Variants in RIMS2 observed in about 807,000 individuals in gnomAD.
RIMS2 encodes the protein regulating synaptic membrane exocytosis 2.
RIMS2 carries 59 observed loss-of-function variants against 174.4 expected under a neutral mutation model. The observed-to-expected ratio is 0.34, with a 90% confidence interval of 0.27 to 0.42. The LOEUF is 0.42. Among genes scored for constraint, RIMS2 ranks in the 10% least tolerant of loss-of-function variants. RIMS2 has a pLI of 1.00. For synonymous variants in RIMS2, 606 were observed against 572.5 expected (o/e 1.06, Z -0.84); for missense variants, 1,620 against 1,666.3 (o/e 0.97, Z 0.48).
chr8:103,942,992 T>C (rs763722967), intron 14 of RIMS2, 66 bp downstream of exon 16: 25 of 1,196,992 alleles, frequency 2.1e-5, no homozygotes, highest in Non-Finnish European at 3.0e-5. Flanking sequence ...ATGTATGTGA[T>C]AAAGAACTTG....
chr8:103,520,389 T>G (rs7844104), intron 1 of RIMS2, among the ~76,000 whole-genome samples: 100,303 of 151,928 alleles, frequency 0.66, 33,971 homozygotes, highest in African/African-American at 0.75. Context: ...GAACACAGGT[T>G]AAATTCATCT....
intron 19 of RIMS2, among the ~76,000 whole-genome samples, chr8:104,190,161 A>G (rs1378268103): frequency 6.6e-6 from 1 of 151,968 alleles, no homozygotes; most frequent in Non-Finnish European, 1.5e-5. Flanking sequence ...CATTAGCTGG[A>G]TGTGGTGGTA....
At position 104,232,338 on chromosome 8, in the gene RIMS2, G is replaced by A. The variant is rs189523710; in HGVS notation, c.3335-12578G>A. Reference sequence around the variant, plus strand: ...TGCATTCTTTGTGCTACACATAGAAGTTGTGTATACTTAGCTTAATATAAA... The same window carrying A: ...TGCATTCTTTGTGCTACACATAGAAATTGTGTATACTTAGCTTAATATAAA... On this transcript the variant is annotated intron_variant, in intron 19 of 23. Coordinates refer to ENST00000504942, the Ensembl canonical transcript of RIMS2. Among the ~76,000 whole-genome samples the A allele has an allele frequency of 6.2e-4, 95 of 152,326 alleles. 1 individual carries two copies. The highest frequency in any genetic ancestry group is 2.2e-3 in the African/African-American group (91 of 41,572).
chr8:104,009,925 A>T (rs1464204352), intron 17 of RIMS2, among the ~76,000 whole-genome samples: 1 of 152,094 alleles, frequency 6.6e-6, no homozygotes, highest in Non-Finnish European at 1.5e-5. Context: ...ATACCTGTAG[A>T]GATACTCTAC....
intron 19 of RIMS2, among the ~76,000 whole-genome samples, chr8:104,124,969 A>T (rs1162402931): frequency 6.6e-6 from 1 of 152,198 alleles, no homozygotes; most frequent in Non-Finnish European, 1.5e-5. Context: ...CAAAGCAGAA[A>T]AAAATAGATC....
chr8:103,990,263 T>G (rs1329256525), intron 17 of RIMS2, among the ~76,000 whole-genome samples: 5 of 152,086 alleles, frequency 3.3e-5, no homozygotes, highest in Non-Finnish European at 7.4e-5. Context: ...ATTTAAACAC[T>G]TAATTTTTTT....
intron 19 of RIMS2, among the ~76,000 whole-genome samples, chr8:104,143,317 G>A (rs2098601324): frequency 6.6e-6 from 1 of 152,162 alleles, no homozygotes; most frequent in Admixed American, 6.5e-5. Flanking sequence ...CACATTTTAG[G>A]AAAGGAATGG....
At chr8:103,540,174 G>A (rs1267375248) in intron 1 of RIMS2, among the ~76,000 whole-genome samples, 2 of 152,182 alleles carry the variant, frequency 1.3e-5, no homozygotes, top group African/African-American at 2.4e-5. Context: ...CAGCTCCATG[G>A]GTACTTTACA....
intron 2 of RIMS2, among the ~76,000 whole-genome samples, chr8:103,754,943 T>A (rs887969969): frequency 2.6e-5 from 4 of 152,322 alleles, no homozygotes; most frequent in South Asian, 4.1e-4. Context: ...AGGTTAATAT[T>A]GTTATGTGTG....
At chr8:104,116,240 T>A (rs1010506666) in intron 19 of RIMS2, among the ~76,000 whole-genome samples, 1 of 152,188 alleles carries the variant, frequency 6.6e-6, no homozygotes, top group Non-Finnish European at 1.5e-5. Flanking sequence ...TGACTCTGCC[T>A]CATTTTTCTC....
At chr8:103,682,975 GCTACTAATTTAACTGGCCTA>G in intron 1 of RIMS2, among the ~76,000 whole-genome samples, 1 of 152,208 alleles carries the variant, frequency 6.6e-6, no homozygotes, top group East Asian at 1.9e-4. Context: ...TACTAGCTCT[GCTACTAATTTAACTGGCCTA>G]CTCTTGTGTG....
At chr8:104,193,982 T>C (rs1322194307) in intron 19 of RIMS2, among the ~76,000 whole-genome samples, 1 of 152,170 alleles carries the variant, frequency 6.6e-6, no homozygotes, top group African/African-American at 2.4e-5. Context: ...TCTGGAAGAA[T>C]CTAGAATACC....
At chr8:103,665,205 A>G (rs1184326263) in intron 1 of RIMS2, among the ~76,000 whole-genome samples, 4 of 152,236 alleles carry the variant, frequency 2.6e-5, no homozygotes, top group Non-Finnish European at 5.9e-5. Context: ...CAGCAAACCA[A>G]CATGGCACAT....
At position 103,825,446 on chromosome 8, in the gene RIMS2, AT is replaced by A. The variant is rs35460743; in HGVS notation, c.698+58927del. Among the ~76,000 whole-genome samples, 46 of 131,812 alleles carry A rather than the reference AT, an allele frequency of 3.5e-4. No homozygotes were observed. The South Asian group carries it at 3.5e-3, about 10-fold the overall frequency. 86.5% of individuals were successfully genotyped at this position (131,812 alleles called of 152,430 possible). On this transcript the variant is annotated intron_variant, in intron 3 of 23. Transcript: ENST00000504942. ...AGGCATGTGCCACAATGGCTAGCTA[AT>A]TTTTTTTTTTTTTTTTTGTTAGAGA...
chr8:103,500,791 C>A, exon 1 of RIMS2: 2 of 679,644 alleles, frequency 2.9e-6, no homozygotes, highest in Non-Finnish European at 4.9e-6. Context: ...ATGTATTTGT[C>A]CCAGCGCTGG....
chr8:103,935,022 G>T (rs2080930771), intron 12 of RIMS2, among the ~76,000 whole-genome samples: 2 of 152,130 alleles, frequency 1.3e-5, no homozygotes, highest in African/African-American at 4.8e-5. Context: ...GAATTAAATA[G>T]CAAGGCTCTG....
At chr8:103,532,944 C>A (rs1023222199) in intron 1 of RIMS2, among the ~76,000 whole-genome samples, 28 of 152,064 alleles carry the variant, frequency 1.8e-4, no homozygotes, top group Non-Finnish European at 3.8e-4. Flanking sequence ...AGTTAGATGA[C>A]AAAGCACTGG....
chr8:104,155,096 T>G (rs2098713537), intron 19 of RIMS2, among the ~76,000 whole-genome samples: 2 of 152,040 alleles, frequency 1.3e-5, no homozygotes, highest in African/African-American at 4.8e-5. Context: ...TTTTTTGTTT[T>G]TTGTTGTTTT....
At chr8:103,614,186 G>A (rs925580683) in intron 1 of RIMS2, among the ~76,000 whole-genome samples, 2 of 152,248 alleles carry the variant, frequency 1.3e-5, no homozygotes, top group African/African-American at 2.4e-5. Flanking sequence ...CCTGTGGTAA[G>A]TCTTGCCAAG....
Sources: gnomAD v4.1 joint callset for allele counts (sites outside exome capture counted in the v4.1 genomes callset) on GRCh38, gnomAD v4.1.1 for gene constraint, MANE v1.5 for transcripts, NCBI Gene and HGNC (gene_info 2026-07-23, HGNC 2026-07-21) for gene names.